The following NCEH1 variants were observed in gnomAD, a reference collection of about 807,000 sequenced individuals.
NCEH1 encodes the protein 2-acetyl MAGE hydrolase.
A neutral mutation model predicts 25.4 loss-of-function variants in NCEH1; 9 were observed. The ratio of observed to expected loss-of-function variants is 0.35; its 90% confidence interval spans 0.21 to 0.62. The LOEUF is 0.62. NCEH1 is among the 20% of genes least tolerant of loss of function. The probability of loss-of-function intolerance (pLI) is 0.72; values close to 1 mark genes in which losing one functional copy is unlikely to be tolerated. For synonymous variants in NCEH1, 200 were observed against 199.8 expected (o/e 1.00, Z -0.01); for missense variants, 412 against 501.1 (o/e 0.82, Z 1.70).
chr3:172,635,889 A>C (rs749569126), intron 4 of NCEH1, 27 bp downstream of exon 4: 1 of 1,610,956 alleles, frequency 6.2e-7, no homozygotes, highest in Non-Finnish European at 8.5e-7. Flanking sequence ...CGCTTAACCC[A>C]CCAGCACCTT....
At chr3:172,636,487 G>A (rs189939366) in intron 3 of NCEH1, among the ~76,000 whole-genome samples, 192 of 152,256 alleles carry the variant, frequency 1.3e-3, no homozygotes, top group Non-Finnish European at 2.1e-3. Flanking sequence ...TCTGGGTTAC[G>A]AGGTGACTTG....
At position 172,665,490 on chromosome 3, in the gene NCEH1, C is replaced by G. The variant is rs534484165; in HGVS notation, c.139-17376G>C. Among the ~76,000 whole-genome samples, 11 of 152,310 alleles carry G rather than the reference C, an allele frequency of 7.2e-5. No individual in the cohort carries two copies. In the South Asian group the frequency reaches 2.3e-3, roughly 32 times the overall value. ...CCGTTCTCAGATCTCAAACTCCATG[C>G]TGGGACAACCACTACTCTCTTCAAA... is the stretch of plus-strand genomic sequence containing the variant. On this transcript the variant is annotated intron_variant, in intron 1 of 4. Transcript: ENST00000475381.
In NCEH1 at chr3:172,656,655, A is replaced by G. The variant is rs149398133; in HGVS notation, c.139-8541T>C. Among the ~76,000 whole-genome samples, 73 of 152,194 alleles carry G rather than the reference A, an allele frequency of 4.8e-4. 2 individuals are homozygous for G. The East Asian group carries it at 0.011, about 23-fold the overall frequency. On this transcript the variant is annotated intron_variant, in intron 1 of 4. Coordinates refer to ENST00000475381, the MANE Select transcript of NCEH1 (RefSeq NM_020792.6). ...GTGATGCGCGCCTGTAATCCCAGCT[A>G]CTCGGGAGGCTGACGCAGGAGAATT...
At chr3:172,676,172 T>G (rs1288932921) in intron 1 of NCEH1, among the ~76,000 whole-genome samples, 1 of 152,188 alleles carries the variant, frequency 6.6e-6, no homozygotes, top group Admixed American at 6.5e-5. Flanking sequence ...TAAAAAAGTT[T>G]TTTTAGGCAG....
intron 1 of NCEH1, among the ~76,000 whole-genome samples, chr3:172,691,141 A>G (rs1425894199): frequency 6.6e-6 from 1 of 152,152 alleles, no homozygotes; most frequent in Non-Finnish European, 1.5e-5. Context: ...TTCTCCAAAC[A>G]TAGAGCGGGC....
intron 1 of NCEH1, among the ~76,000 whole-genome samples, chr3:172,706,499 CTTTT>C (rs768288361): frequency 4.0e-5 from 5 of 126,458 alleles, no homozygotes; most frequent in Non-Finnish European, 6.6e-5. Context: ...TTACATTTTT[CTTTT>C]TTTTTTTTTT....
intron 1 of NCEH1, among the ~76,000 whole-genome samples, chr3:172,670,449 T>C (rs147967466): frequency 4.3e-4 from 66 of 152,336 alleles, no homozygotes; most frequent in African/African-American, 1.5e-3. Flanking sequence ...AGAAGCATGT[T>C]TGGGATATCA....
intron 1 of NCEH1, among the ~76,000 whole-genome samples, chr3:172,662,310 G>C (rs987462600): frequency 2.0e-5 from 3 of 152,202 alleles, no homozygotes; most frequent in Non-Finnish European, 4.4e-5. Flanking sequence ...GCACCCCAGG[G>C]ATGAAGCCAA....
At chr3:172,679,205 A>AG (rs1266658619) in intron 1 of NCEH1, among the ~76,000 whole-genome samples, 1 of 152,258 alleles carries the variant, frequency 6.6e-6, no homozygotes, top group Admixed American at 6.5e-5. Flanking sequence ...GAAGAGGGAC[A>AG]GCTATGACCT....
intron 4 of NCEH1, among the ~76,000 whole-genome samples, chr3:172,635,485 T>C (rs1458722076): frequency 6.6e-6 from 1 of 152,174 alleles, no homozygotes; most frequent in African/African-American, 2.4e-5. Context: ...AATTTCTTTC[T>C]TTTACATTAA....
chr3:172,673,236 T>C (rs1193067008), intron 1 of NCEH1, among the ~76,000 whole-genome samples: 1 of 152,224 alleles, frequency 6.6e-6, no homozygotes, highest in African/African-American at 2.4e-5. Context: ...GCCATTGTCA[T>C]AGTAGCTCTA....
chr3:172,648,232 C>T (rs556134830), intron 1 of NCEH1, 118 bp from the exon 2 acceptor site: 1 of 1,159,578 alleles, frequency 8.6e-7, no homozygotes, highest in Admixed American at 2.5e-5. Flanking sequence ...GACTGGAGGG[C>T]TCATTGAGCC....
In NCEH1 at chr3:172,633,495, A is replaced by G; in HGVS notation, c.1207T>C (p.Trp403Arg). The G allele has an allele frequency of 6.2e-7, 1 of 1,613,984 alleles. No individual in the cohort carries two copies. The highest frequency in any genetic ancestry group is 8.5e-7 in the Non-Finnish European group (1 of 1,179,952). Reference sequence around the variant, plus strand: ...CTCCTTTACAGGTTTTGATCTAGCCACTTGATGTAACTATTCCTAGTCCGG... The same window carrying G: ...CTCCTTTACAGGTTTTGATCTAGCCGCTTGATGTAACTATTCCTAGTCCGG... ...GIRTRNSYIK[W>R]LDQNL The change falls in exon 5 of 5, where the codon TGG (tryptophan) becomes CGG (arginine). Residue 403 changes from tryptophan (W) to arginine (R), a missense_variant. Physicochemically the swap from Trp to Arg is moderately radical, Grantham distance 101. Around this residue, in one of 3 missense-constraint regions of NCEH1, gnomAD observed 210 missense variants for 258.2 expected, o/e 0.81. Coordinates refer to ENST00000475381, the MANE Select transcript of NCEH1 (RefSeq NM_020792.6).
rs545619145 is a variant in NCEH1 at position 172,704,939 on chromosome 3, C to A, written c.138+5908G>T. 2.3e-3 allele frequency among the ~76,000 whole-genome samples: 352 copies of A among 152,290 alleles called. 2 individuals carry two copies. The highest frequency in any genetic ancestry group is 8.1e-3 in the African/African-American group (336 of 41,568). On this transcript the variant is annotated intron_variant, in intron 1 of 4. Coordinates refer to ENST00000475381, the MANE Select transcript of NCEH1 (RefSeq NM_020792.6). The stretch of plus-strand genomic sequence containing the variant: ...TTTCTTCTAGGTCACTTTAGTGACT[C>A]TCCATAGCTTCACACAGGATTTCAA...
chr3:172,656,241 G>C (rs1267593749), intron 1 of NCEH1, among the ~76,000 whole-genome samples: 3 of 152,206 alleles, frequency 2.0e-5, no homozygotes, highest in Non-Finnish European at 4.4e-5. Context: ...GGAGAGACTT[G>C]AACGTGCTTC....
rs556003405 is a variant in NCEH1 at position 172,634,159 on chromosome 3, T to C, written c.610-67A>G. 4 of 1,444,492 alleles carry C rather than the reference T, an allele frequency of 2.8e-6. No homozygotes were observed. The African/African-American group carries it at 4.2e-5, about 15-fold the overall frequency. 89.5% of individuals were successfully genotyped at this position (1,444,492 alleles called of 1,614,324 possible). A position where few individuals can be genotyped will look rare whatever the true frequency, so the allele number is the denominator to read the frequency against. ...CTTCTTTTATAGGAACCATACCCTG[T>C]AGAGTAGCTTCATGTGTTACTCTGA... On this transcript the variant is annotated intron_variant, in intron 4 of 4. Coordinates refer to ENST00000475381, the MANE Select transcript of NCEH1 (RefSeq NM_020792.6).
intron 1 of NCEH1, among the ~76,000 whole-genome samples, chr3:172,691,302 C>T (rs1326230878): frequency 1.1e-4 from 16 of 152,180 alleles, no homozygotes; most frequent in Admixed American, 1.0e-3. Flanking sequence ...TGCCTTTGTG[C>T]TCTCTAGTTT....
At chr3:172,708,604 G>A (rs545261143) in intron 1 of NCEH1, among the ~76,000 whole-genome samples, 4 of 152,240 alleles carry the variant, frequency 2.6e-5, no homozygotes, top group South Asian at 4.1e-4. Flanking sequence ...TGATCCACCC[G>A]CCTCGGCCTC....
At chr3:172,657,201 T>A (rs1717736783) in intron 1 of NCEH1, among the ~76,000 whole-genome samples, 1 of 152,220 alleles carries the variant, frequency 6.6e-6, no homozygotes, top group African/African-American at 2.4e-5. Context: ...ACCAGCAGCC[T>A]ACTAAATTCA....
Sources: allele counts gnomAD v4.1 joint callset (sites outside exome capture counted in the v4.1 genomes callset), GRCh38; gene constraint gnomAD v4.1.1; regional missense constraint gnomAD v4.1.1; transcripts MANE v1.5; gene names NCBI Gene and HGNC (gene_info 2026-07-23, HGNC 2026-07-21).